The following TPCN2 variants were observed in gnomAD, a reference collection of about 807,000 sequenced individuals.
TPCN2 encodes the protein two pore segment channel 2.
TPCN2 carries 92 observed loss-of-function variants against 111.4 expected under a neutral mutation model. The observed-to-expected ratio is 0.83, with a 90% CI of 0.70 to 0.98. The LOEUF (loss-of-function observed/expected upper bound fraction) is 0.98. Ranked by LOEUF, TPCN2 falls within the 50% of genes least tolerant of loss-of-function variation. The pLI, the probability that TPCN2 is intolerant of heterozygous loss-of-function variation, is 0.00. For missense variants in TPCN2, 995 were observed against 980.1 expected, an observed-to-expected ratio of 1.02 and a Z score of -0.20; for synonymous variants, 405 against 414.5, an observed-to-expected ratio of 0.98 and a Z score of 0.28.
chr11:69,070,594 T>G, intron 9 of TPCN2, 99 bp downstream of exon 9: 1 of 905,690 alleles, frequency 1.1e-6, no homozygotes, highest in Non-Finnish European at 1.7e-6. Context: ...TTCACATCCG[T>G]GTTTTTCACT....
At chr11:69,080,594 T>C (rs907311571) in intron 17 of TPCN2, among the ~76,000 whole-genome samples, 4 of 152,294 alleles carry the variant, frequency 2.6e-5, no homozygotes, top group African/African-American at 9.6e-5. Context: ...TAGGCCGGGC[T>C]CCTTGGGTCT....
intron 13 of TPCN2, 74 bp from the exon 14 acceptor site, chr11:69,078,408 G>T (rs1323699902): frequency 6.3e-7 from 1 of 1,587,580 alleles, no homozygotes; most frequent in Non-Finnish European, 8.6e-7. Context: ...AGAATAAGAG[G>T]GTGTGAGCAT....
intron 17 of TPCN2, 84 bp from the exon 18 acceptor site, chr11:69,081,316 C>A: frequency 1.1e-6 from 1 of 895,940 alleles, no homozygotes; most frequent in South Asian, 1.6e-5. Flanking sequence ...CCTGCGCCTC[C>A]GTCCAGGAAC....
chr11:69,058,513 C>T (rs941965618), intron 5 of TPCN2, among the ~76,000 whole-genome samples: 2 of 89,260 alleles, frequency 2.2e-5, no homozygotes, highest in Non-Finnish European at 6.0e-5. Context: ...AGGTTGGTCC[C>T]AGCAGTGCCG....
At position 69,078,159 on chromosome 11, in the gene TPCN2, C is replaced by CTT. The variant is rs11450127; in HGVS notation, c.1231-311_1231-310dup. Among the ~76,000 whole-genome samples the CTT allele has an allele frequency of 3.1e-3, 450 of 145,594 alleles. 1 individual carries two copies. Among genetic ancestry groups the CTT allele is most frequent in the African/African-American group, 0.01 (402 of 39,528 alleles). Reference sequence around the variant, plus strand: ...CACTTACCTGTGTTTTTTCACACAGCTTTTTTTTTTTTTATATATATCAGG... The same window carrying CTT: ...CACTTACCTGTGTTTTTTCACACAGCTTTTTTTTTTTTTTTATATATATCAGG... On this transcript the variant is annotated intron_variant, in intron 13 of 24. Coordinates refer to ENST00000294309, the MANE Select transcript of TPCN2 (RefSeq NM_139075.4).
chr11:69,058,239 C>A (rs935083816), intron 5 of TPCN2, among the ~76,000 whole-genome samples: 1 of 152,112 alleles, frequency 6.6e-6, no homozygotes, highest in African/African-American at 2.4e-5. Context: ...TGGGGTCTGT[C>A]GGGAAGCAGA....
chr11:69,076,861 C>A (rs1190896926), intron 13 of TPCN2, among the ~76,000 whole-genome samples: 1 of 121,102 alleles, frequency 8.3e-6, no homozygotes, highest in Non-Finnish European at 1.7e-5. Flanking sequence ...CCCTCCTGCC[C>A]TCATGCCATG....
chr11:69,089,212 G>C lies in TPCN2; in HGVS notation c.*1259G>C, dbSNP rs3376. On this transcript the variant is annotated 3_prime_UTR_variant, in exon 25 of 25. Coordinates refer to ENST00000294309, the MANE Select transcript of TPCN2 (RefSeq NM_139075.4). ...GGGAGAGGAGCGAGTCCAAGGAGAAGGTCATGAGTTTCTTTTTACTCGTGT... is the reference window on the plus strand; with the variant it reads ...GGGAGAGGAGCGAGTCCAAGGAGAACGTCATGAGTTTCTTTTTACTCGTGT... 1 of 151,972 alleles carries C rather than the reference G, an allele frequency of 6.6e-6. No homozygotes were observed. The allele number at this position is 151,972 out of a possible 1,614,324, so 9.4% of individuals were successfully genotyped here.
chr11:69,067,194 C>T (rs1236531022), intron 7 of TPCN2, among the ~76,000 whole-genome samples: 4 of 152,246 alleles, frequency 2.6e-5, no homozygotes, highest in Non-Finnish European at 5.9e-5. Context: ...GCAGAGTCGG[C>T]TGCGAGCAGG....
intron 22 of TPCN2, 82 bp downstream of exon 22, chr11:69,086,012 TG>T: frequency 7.3e-7 from 1 of 1,372,456 alleles, no homozygotes; most frequent in Non-Finnish European, 1.0e-6. Context: ...GCATCTGCAC[TG>T]GACGCCCGGA....
chr11:69,076,378 T>G (rs532136397), intron 13 of TPCN2, among the ~76,000 whole-genome samples: 359 of 152,284 alleles, frequency 2.4e-3, no homozygotes, highest in African/African-American at 8.3e-3. Flanking sequence ...CTTTGGGCAC[T>G]GGTTTCCACA....
Position 69,072,929 on chromosome 11 carries a change from T to C in TPCN2, c.1158T>C (p.Tyr386=), listed in dbSNP as rs1466221. 0.47 allele frequency: 752,631 copies of C among 1,605,012 alleles called. 182,094 individuals are homozygous for C. The highest frequency in any genetic ancestry group is 0.51 in the Non-Finnish European group (592,539 of 1,172,218). Residue 386 remains tyrosine, a synonymous_variant, in exon 13 of 25, where the codon TAT becomes TAC. Transcript: ENST00000294309. The part of the protein sequence containing the change: ...KQAMMEKVRS[Y]GSVLLSAEEF... The stretch of plus-strand genomic sequence containing the variant: ...TTCCTGTGCAGAAGGTGCGTTCCTA[T>C]GGCAGTGTTCTGCTCTCAGCTGAGG...
At chr11:69,057,958 C>T (rs1378718758) in intron 5 of TPCN2, among the ~76,000 whole-genome samples, 3 of 152,348 alleles carry the variant, frequency 2.0e-5, no homozygotes, top group East Asian at 1.9e-4. Context: ...GGAGTGAGCT[C>T]CAAGACTTCT....
At chr11:69,056,322 G>GGT (rs1199582658) in intron 4 of TPCN2, among the ~76,000 whole-genome samples, 1 of 152,200 alleles carries the variant, frequency 6.6e-6, no homozygotes, top group African/African-American at 2.4e-5. Context: ...GCTGGATGCT[G>GGT]GTGTGTGTGA....
intron 5 of TPCN2, among the ~76,000 whole-genome samples, chr11:69,057,901 G>A (rs1590709187): frequency 6.6e-6 from 1 of 152,322 alleles, no homozygotes; most frequent in East Asian, 1.9e-4. Flanking sequence ...AGGCCTGGAC[G>A]GGCACAGGGT....
In TPCN2 at chr11:69,087,953, A is replaced by G; in HGVS notation, c.2259A>G (p.Ter753TrpextTer123). The G allele has an allele frequency of 1.2e-6, 2 of 1,606,948 alleles. No homozygotes were observed. Among genetic ancestry groups the G allele is most frequent in the South Asian group, 2.2e-5 (2 of 89,940 alleles). The change falls in exon 25 of 25, where the codon TGA becomes TGG. Residue 753 changes from the stop codon to tryptophan (W), a stop_lost. Transcript: ENST00000294309. ...ACCCGCACCTGTGGCTGTGCAGGTG[A>G]CGTCCGGGCTGCCGTCCCAGCAGGG... Reference protein sequence around the residue: ...SQHPHLWLCR* With the variant: ...SQHPHLWLCRW
rs1856374136 is a variant in TPCN2 at position 69,089,150 on chromosome 11, G to T, written c.*1197G>T. On this transcript the variant is annotated 3_prime_UTR_variant, in exon 25 of 25. Coordinates refer to ENST00000294309, the MANE Select transcript of TPCN2 (RefSeq NM_139075.4). The stretch of plus-strand genomic sequence containing the variant: ...GCCCCTGTGGGATGGTGGGGGAGGG[G>T]GCGACCCGAACAACAGTGCAGTCGG... 6.6e-6 allele frequency: 1 copy of T among 152,356 alleles called. No homozygotes were observed. Among genetic ancestry groups the T allele is most frequent in the African/African-American group, 2.4e-5 (1 of 41,468 alleles). 9.4% of individuals were successfully genotyped at this position (152,356 alleles called of 1,614,324 possible).
chr11:69,063,766 A>G, intron 6 of TPCN2, 129 bp from the exon 7 acceptor site: 1 of 808,864 alleles, frequency 1.2e-6, no homozygotes, highest in Non-Finnish European at 2.0e-6. Flanking sequence ...AGGGGGACCC[A>G]GCTGCTGCCT....
intron 8 of TPCN2, among the ~76,000 whole-genome samples, chr11:69,070,053 C>G (rs936339232): frequency 6.7e-6 from 1 of 149,500 alleles, no homozygotes; most frequent in Admixed American, 6.7e-5. Flanking sequence ...GAGATGGTGC[C>G]ATGCTCTGTC....
Sources: gnomAD v4.1 joint callset for allele counts (sites outside exome capture counted in the v4.1 genomes callset) on GRCh38, gnomAD v4.1.1 for gene constraint, MANE v1.5 for transcripts, NCBI Gene and HGNC (gene_info 2026-07-23, HGNC 2026-07-21) for gene names.